Variants in SKIC3 observed in about 807,000 individuals in gnomAD.
SKIC3 encodes the protein superkiller complex protein 3.
the SKIC3 span, chr5:95,498,607 A>T: frequency 1.2e-6 from 2 of 1,604,664 alleles, no homozygotes; most frequent in African/African-American, 1.3e-5. Context: ...AAGATATTTT[A>T]AAATTACCCA....
chr5:95,551,476 T>C, the SKIC3 span, among the ~76,000 whole-genome samples: 1 of 152,128 alleles, frequency 6.6e-6, no homozygotes, highest in East Asian at 1.9e-4. Context: ...CAGTAGAAAG[T>C]CTTACTGGTA....
the SKIC3 span, among the ~76,000 whole-genome samples, chr5:95,476,529 T>C: frequency 6.6e-6 from 1 of 152,238 alleles, no homozygotes; most frequent in Non-Finnish European, 1.5e-5. Context: ...TATTCCTTTA[T>C]AATTATTGGA....
At chr5:95,513,472 C>A in the SKIC3 span, 1 of 1,309,626 alleles carries the variant, frequency 7.6e-7, no homozygotes, top group Non-Finnish European at 1.1e-6. Context: ...GGATTACAGG[C>A]ATAAGCCACT....
At chr5:95,472,724 T>C in the SKIC3 span, among the ~76,000 whole-genome samples, 1 of 151,944 alleles carries the variant, frequency 6.6e-6, no homozygotes, top group South Asian at 2.1e-4. Context: ...TTAGGGAGCA[T>C]AATACCCAAC....
the SKIC3 span, among the ~76,000 whole-genome samples, chr5:95,508,124 T>A: frequency 1.3e-5 from 2 of 152,172 alleles, no homozygotes; most frequent in Admixed American, 1.3e-4. Context: ...AAATAACTTC[T>A]TGATTACACA....
At chr5:95,535,677 T>C in the SKIC3 span, among the ~76,000 whole-genome samples, 1 of 150,778 alleles carries the variant, frequency 6.6e-6, no homozygotes, top group Non-Finnish European at 1.5e-5. Context: ...TAAAGGAGAG[T>C]TAAAATGAGG....
At chr5:95,503,276 C>G in the SKIC3 span, among the ~76,000 whole-genome samples, 1 of 152,132 alleles carries the variant, frequency 6.6e-6, no homozygotes, top group Non-Finnish European at 1.5e-5. Flanking sequence ...ACTGTCTTTA[C>G]GAGCCAATTT....
the SKIC3 span, chr5:95,513,790 T>A: frequency 1.5e-6 from 1 of 676,672 alleles, no homozygotes; most frequent in South Asian, 1.8e-5. Context: ...CTATTGTTAT[T>A]ATTTTAACTA....
chr5:95,482,837 C>G, the SKIC3 span, among the ~76,000 whole-genome samples: 12 of 152,238 alleles, frequency 7.9e-5, 1 homozygote, highest in African/African-American at 2.9e-4. Flanking sequence ...CCTTTAAAAT[C>G]AGTAATGCTA....
the SKIC3 span, among the ~76,000 whole-genome samples, chr5:95,479,349 G>A: frequency 1.7e-4 from 26 of 152,174 alleles, 1 homozygote; most frequent in South Asian, 5.4e-3. Flanking sequence ...CCACATTTGT[G>A]GACAGAAAAT....
the SKIC3 span, among the ~76,000 whole-genome samples, chr5:95,494,420 C>A: frequency 4.6e-5 from 7 of 152,106 alleles, no homozygotes; most frequent in Non-Finnish European, 1.0e-4. Flanking sequence ...ATCACATGCA[C>A]CTTGAAACTA....
the SKIC3 span, among the ~76,000 whole-genome samples, chr5:95,483,767 A>G: frequency 6.6e-6 from 1 of 152,162 alleles, no homozygotes; most frequent in Admixed American, 6.5e-5. Context: ...CTTTCAGTAA[A>G]TATTTATTGA....
the SKIC3 span, among the ~76,000 whole-genome samples, chr5:95,519,243 T>A: frequency 3.0e-4 from 46 of 152,010 alleles, no homozygotes; most frequent in African/African-American, 1.1e-3. Flanking sequence ...AGCTATACAT[T>A]TTTCTTCATT....
chr5:95,530,725 C>T, the SKIC3 span, among the ~76,000 whole-genome samples: 2 of 152,184 alleles, frequency 1.3e-5, no homozygotes, highest in East Asian at 3.8e-4. Flanking sequence ...CTTAAGTCTA[C>T]AAATTTACCA....
chr5:95,469,956 T>C, the SKIC3 span: 1 of 1,603,454 alleles, frequency 6.2e-7, no homozygotes. Context: ...TTGGCATATT[T>C]ATTTGAAAAG....
chr5:95,537,207 C>T, the SKIC3 span: 19 of 1,314,186 alleles, frequency 1.4e-5, no homozygotes, highest in Middle Eastern at 2.0e-4. Flanking sequence ...ATGTATAAGA[C>T]TCTCTTACAC....
At chr5:95,516,535 G>T in the SKIC3 span, 1 of 1,613,164 alleles carries the variant, frequency 6.2e-7, no homozygotes, top group South Asian at 1.1e-5. Flanking sequence ...AATTTGTTCT[G>T]ACTGGATTGA....
the SKIC3 span, chr5:95,536,531 C>T: frequency 2.7e-6 from 1 of 369,342 alleles, no homozygotes; most frequent in Non-Finnish European, 4.9e-6. Flanking sequence ...TCCTGTTTAC[C>T]TAGTTTCTAT....
chr5:95,524,536 C>G, the SKIC3 span: 1 of 1,613,714 alleles, frequency 6.2e-7, no homozygotes, highest in African/African-American at 1.3e-5. Flanking sequence ...TATGTTAATC[C>G]AAGTTGGTAA....
Sources: gnomAD v4.1 joint callset for allele counts (sites outside exome capture counted in the v4.1 genomes callset) on GRCh38, gnomAD v4.1.1 for gene constraint, MANE v1.5 for transcripts, NCBI Gene and HGNC (gene_info 2026-07-23, HGNC 2026-07-21) for gene names.